Variants in VPS13D observed in about 807,000 individuals in gnomAD.
VPS13D encodes vacuolar protein sorting 13 homolog D, also known as intermembrane lipid transfer protein VPS13D.
In VPS13D, 187 loss-of-function variants were observed where a neutral mutation model predicts 461.9. That is an observed-to-expected ratio of 0.40 (90% CI 0.36 to 0.46). The LOEUF (loss-of-function observed/expected upper bound fraction) is 0.46. VPS13D is among the 20% of genes least tolerant of loss of function. The pLI, the probability that VPS13D is intolerant of heterozygous loss-of-function variation, is 0.60. For missense variants in VPS13D, 4,711 were observed against 5,364.9 expected (o/e 0.88, Z 3.81); for synonymous variants, 1,951 against 1,986.3 (o/e 0.98, Z 0.47).
chr1:12,470,707 C>G (rs961891733), intron 67 of VPS13D, among the ~76,000 whole-genome samples: 3 of 152,168 alleles, frequency 2.0e-5, no homozygotes, highest in Non-Finnish European at 4.4e-5. Context: ...TCTTAAGCCA[C>G]TCTTACGTGT....
chr1:12,424,727 G>A (rs72868283), intron 65 of VPS13D, among the ~76,000 whole-genome samples: 6,697 of 152,228 alleles, frequency 0.044, 268 homozygotes, highest in Admixed American at 0.11. Flanking sequence ...AAAAAGTTCA[G>A]AACTTCTTCA....
At chr1:12,465,702 A>G (rs958175514) in intron 67 of VPS13D, among the ~76,000 whole-genome samples, 35 of 152,318 alleles carry the variant, frequency 2.3e-4, no homozygotes, top group African/African-American at 8.4e-4. Context: ...TTAGATGTGA[A>G]ATGGAAATGG....
At chr1:12,472,262 T>G (rs917021567) in intron 67 of VPS13D, among the ~76,000 whole-genome samples, 2 of 152,228 alleles carry the variant, frequency 1.3e-5, no homozygotes, top group African/African-American at 4.8e-5. Flanking sequence ...AGCTCTTGGT[T>G]TGAGGCTGAG....
At position 12,507,106 on chromosome 1, in the gene VPS13D, C is replaced by T. The variant is rs78403005; in HGVS notation, c.13035+13C>T. 0.039 allele frequency: 62,569 copies of T among 1,613,780 alleles called. 2,025 individuals are homozygous for T. The highest frequency in any genetic ancestry group is 0.14 in the East Asian group (6,150 of 44,876). On this transcript the variant is annotated intron_variant, in intron 69 of 69. Coordinates refer to ENST00000620676, the MANE Select transcript of VPS13D (RefSeq NM_015378.4). The surrounding 1 kb of genome is among the most constrained non-coding windows in gnomAD (Gnocchi z 5.3). ...CCAGAAGCCCATGGTGAGTGCCTGG[C>T]TGTTCTCAGGCTCCTGAGGGGCGGG...
At chr1:12,355,796 C>A in intron 47 of VPS13D, 103 bp from the exon 48 acceptor site, 1 of 1,213,534 alleles carries the variant, frequency 8.2e-7, no homozygotes, top group South Asian at 1.8e-5. Flanking sequence ...CAGTTAGATA[C>A]TTAGTTATTG....
Position 12,321,931 on chromosome 1 carries a change from A to G in VPS13D, c.7671A>G (p.Ala2557=). The change falls in exon 33 of 70, where the codon GCA becomes GCG. Residue 2557 remains alanine (A), a synonymous_variant. Coordinates refer to ENST00000620676, the MANE Select transcript of VPS13D (RefSeq NM_015378.4). ...AAAATAGTTCAGGATTGATGGATGC[A>G]TTCAATAGTGAAGATTTCCCACCTG... ...SYQNSSGLMD[A]FNSEDFPPVL... 9.3e-6 allele frequency: 15 copies of G among 1,613,576 alleles called. No individual in the cohort carries two copies. The highest frequency in any genetic ancestry group is 1.3e-5 in the African/African-American group (1 of 75,020).
Position 12,433,258 on chromosome 1 carries a change from GAAAAAAA to G in VPS13D, c.12333+16437_12333+16443del, listed in dbSNP as rs530607755. Among the ~76,000 whole-genome samples the G allele has an allele frequency of 3.9e-3, 549 of 141,080 alleles. 3 individuals carry two copies. Among genetic ancestry groups the G allele is most frequent in the African/African-American group, 0.014 (526 of 38,592 alleles). The allele number at this position is 141,080 out of a possible 152,430, so 92.6% of individuals were successfully genotyped here. On this transcript the variant is annotated intron_variant, in intron 65 of 69. Transcript: ENST00000620676. ...TTCGCTTTAATCTGGAACGCTTGGG[GAAAAAAA>G]AAAAACAAAAAAACAAAAAAACAAC...
intron 27 of VPS13D, among the ~76,000 whole-genome samples, chr1:12,310,713 T>G (rs1385089899): frequency 6.6e-6 from 1 of 152,186 alleles, no homozygotes; most frequent in Non-Finnish European, 1.5e-5. Context: ...GTTTTCCTTA[T>G]TAATAGATTA....
chr1:12,403,674 T>C (rs1011264083), intron 62 of VPS13D, 151 bp from the exon 63 acceptor site: 1 of 670,394 alleles, frequency 1.5e-6, no homozygotes, highest in African/African-American at 1.9e-5. Context: ...CAGAATACTA[T>C]ACACGTCACT....
Position 12,391,929 on chromosome 1 carries a change from C to T in VPS13D, c.11634+5595C>T, listed in dbSNP as rs1249659186. On this transcript the variant is annotated intron_variant, in intron 60 of 69. Coordinates refer to ENST00000620676, the MANE Select transcript of VPS13D (RefSeq NM_015378.4). Reference sequence around the variant, plus strand: ...AGGCTGGAGTGCAGTGGTCCTCCCTCGGGTCACTGCAACCTCCTCCTCCTG... The same window carrying T: ...AGGCTGGAGTGCAGTGGTCCTCCCTTGGGTCACTGCAACCTCCTCCTCCTG... 2.6e-5 allele frequency among the ~76,000 whole-genome samples: 4 copies of T among 152,112 alleles called. No individual in the cohort carries two copies. In the South Asian group the frequency reaches 8.3e-4, roughly 32 times the overall value.
At chr1:12,329,120 A>G (rs575091532) in intron 36 of VPS13D, among the ~76,000 whole-genome samples, 20 of 152,278 alleles carry the variant, frequency 1.3e-4, no homozygotes, top group African/African-American at 3.8e-4. Context: ...TTCTATGTCA[A>G]TCTTAACATT....
At chr1:12,367,490 A>G (rs778195158) in intron 52 of VPS13D, among the ~76,000 whole-genome samples, 2 of 152,164 alleles carry the variant, frequency 1.3e-5, no homozygotes, top group Non-Finnish European at 2.9e-5. Context: ...CTGTTTCCCA[A>G]AAACCTTTCA....
chr1:12,267,024 G>A lies in VPS13D; in HGVS notation c.1725+13G>A, dbSNP rs550566667. ...CTTCCCTAATCCAGTATGTACAACAGTTGGATAGTTAATGTATCTAAGGTG... is the reference window on the plus strand; with the variant it reads ...CTTCCCTAATCCAGTATGTACAACAATTGGATAGTTAATGTATCTAAGGTG... On this transcript the variant is annotated intron_variant, in intron 14 of 69. Coordinates refer to ENST00000620676, the MANE Select transcript of VPS13D (RefSeq NM_015378.4). 3.8e-5 allele frequency: 59 copies of A among 1,556,652 alleles called. 1 individual carries two copies. In the South Asian group the frequency reaches 5.5e-4, roughly 15 times the overall value.
Position 12,363,120 on chromosome 1 carries a change from G to A in VPS13D, c.10321G>A (p.Val3441Met). The A allele has an allele frequency of 6.2e-7, 1 of 1,614,224 alleles. No homozygotes were observed. Among genetic ancestry groups the A allele is most frequent in the Non-Finnish European group, 8.5e-7 (1 of 1,180,032 alleles). Residue 3441 changes from valine (V) to methionine (M), a missense_variant, in exon 52 of 70, where the codon GTG becomes ATG. By Grantham distance (21) the Val-to-Met change is conservative. This residue lies in a region of VPS13D where 4,411 missense variants were observed against 4,937.8 expected (regional missense o/e 0.89). Coordinates refer to ENST00000620676, the MANE Select transcript of VPS13D (RefSeq NM_015378.4). ...CATTTCCACCCTTCCTGGTTCCAGTGTGGTGTTCCACTGGCCTCGGAATGA... is the reference window on the plus strand; with the variant it reads ...CATTTCCACCCTTCCTGGTTCCAGTATGGTGTTCCACTGGCCTCGGAATGA... The part of the protein sequence containing the change: ...GYISTLPGSS[V>M]VFHWPRNDYD...
intron 66 of VPS13D, among the ~76,000 whole-genome samples, chr1:12,459,425 T>C (rs1196812220): frequency 6.6e-6 from 1 of 152,080 alleles, no homozygotes; most frequent in Non-Finnish European, 1.5e-5. Flanking sequence ...ACATGGATAC[T>C]AAGGAACAAC....
intron 2 of VPS13D, among the ~76,000 whole-genome samples, chr1:12,235,444 C>T (rs6659707): frequency 6.6e-6 from 1 of 151,940 alleles, no homozygotes; most frequent in African/African-American, 2.4e-5. Flanking sequence ...GGTGTGGTGG[C>T]GGGTGCCTGT....
At chr1:12,285,135 A>C (rs1486426869) in intron 21 of VPS13D, among the ~76,000 whole-genome samples, 2 of 152,208 alleles carry the variant, frequency 1.3e-5, no homozygotes, top group Non-Finnish European at 2.9e-5. Context: ...AATTTTTGAC[A>C]AACATTTTTA....
At chr1:12,384,616 TTTTATTTATTTA>T (rs947094101) in intron 58 of VPS13D, among the ~76,000 whole-genome samples, 1 of 151,962 alleles carries the variant, frequency 6.6e-6, no homozygotes, top group South Asian at 2.1e-4. Flanking sequence ...CAACACCACT[TTTTATTTATTTA>T]TTTATTTATT....
In VPS13D at chr1:12,268,661, A is replaced by G. The variant is rs1641345535; in HGVS notation, c.1802-45A>G. 5 of 1,577,222 alleles carry G rather than the reference A, an allele frequency of 3.2e-6. No homozygotes were observed. The South Asian group carries it at 4.7e-5, about 15-fold the overall frequency. ...CTCACAGGTCTGTTAATAAGGCTAT[A>G]GTTTTTGCCTTGTTCCGTGTTCTTA... On this transcript the variant is annotated intron_variant, in intron 15 of 69. Coordinates refer to ENST00000620676, the MANE Select transcript of VPS13D (RefSeq NM_015378.4).
Sources: allele counts gnomAD v4.1 joint callset (sites outside exome capture counted in the v4.1 genomes callset), GRCh38; gene constraint gnomAD v4.1.1; regional missense constraint gnomAD v4.1.1; non-coding constraint Gnocchi (gnomAD v3.1); transcripts MANE v1.5; gene names NCBI Gene and HGNC (gene_info 2026-07-23, HGNC 2026-07-21).